MCM7: variants seen among roughly 807,000 people sequenced by gnomAD.
MCM7 encodes the protein DNA replication licensing factor MCM7.
Under a neutral mutation model 83.5 loss-of-function variants are expected in MCM7, and 95 were observed. The observed-to-expected ratio is 1.14, with a 90% CI of 0.96 to 1.35. The LOEUF is 1.35. MCM7 is among the 40% of genes most tolerant of loss of function. MCM7 has a pLI of 0.00. For synonymous variants in MCM7, 461 were observed against 352.7 expected (o/e 1.31, Z -3.44); for missense variants, 1,087 against 957.4 (o/e 1.14, Z -1.79).
chr7:100,095,660 A>C, intron 11 of MCM7, 114 bp downstream of exon 11: 1 of 1,413,516 alleles, frequency 7.1e-7, no homozygotes, highest in Non-Finnish European at 9.5e-7. Context: ...CCCTGCTGCA[A>C]AGGGGAGGCT....
Position 100,093,416 on chromosome 7 carries a change from G to C in MCM7, c.1849-15C>G. On this transcript the variant is annotated splice_polypyrimidine_tract_variant and intron_variant, in intron 13 of 14. Coordinates refer to ENST00000303887, the MANE Select transcript of MCM7 (RefSeq NM_005916.5). ...CTCAGACGTGCCTAAGGGGAAGGTA[G>C]GGGGGAAAGATGGGAACGGGAGGAG... The C allele has an allele frequency of 6.2e-7, 1 of 1,610,412 alleles. No homozygotes were observed. Among genetic ancestry groups the C allele is most frequent in the Non-Finnish European group, 8.5e-7 (1 of 1,177,044 alleles).
chr7:100,093,681 C>T, intron 13 of MCM7: 1 of 705,672 alleles, frequency 1.4e-6, no homozygotes, highest in Non-Finnish European at 2.7e-6. Flanking sequence ...GGAGACCAGA[C>T]CCTTTTGAAC....
chr7:100,099,852 C>T (rs1361972208), intron 2 of MCM7, 99 bp from the exon 3 acceptor site: 2 of 1,526,184 alleles, frequency 1.3e-6, no homozygotes, highest in East Asian at 2.3e-5. Context: ...AGCACAGGCT[C>T]TGGGCATCCA....
rs1795896763 is a variant in MCM7, at chr7:100,100,207, A to G, written c.32-114T>C. 3.4e-6 allele frequency: 5 copies of G among 1,467,016 alleles called. No homozygotes were observed. The South Asian group carries it at 6.9e-5, about 20-fold the overall frequency. 90.9% of individuals were successfully genotyped at this position (1,467,016 alleles called of 1,614,324 possible). ...ATTAATAATATGAGCATTTAAATAAACCTACCGAAGTCTCCCCAAAGTGGG... is the reference window on the plus strand; with the variant it reads ...ATTAATAATATGAGCATTTAAATAAGCCTACCGAAGTCTCCCCAAAGTGGG... On this transcript the variant is annotated intron_variant, in intron 1 of 14. Coordinates refer to ENST00000303887, the MANE Select transcript of MCM7 (RefSeq NM_005916.5).
intron 11 of MCM7, 140 bp from the exon 12 acceptor site, chr7:100,095,610 C>T: frequency 7.7e-7 from 1 of 1,302,936 alleles, no homozygotes; most frequent in Non-Finnish European, 1.1e-6. Flanking sequence ...ATCAGCATTT[C>T]AGCCCCAACC....
At chr7:100,098,472 G>A (rs1238194732) in intron 6 of MCM7, 106 bp downstream of exon 6, 23 of 1,547,476 alleles carry the variant, frequency 1.5e-5, no homozygotes, top group Non-Finnish European at 2.0e-5. Context: ...CCTCCCTCCT[G>A]CACTTCCCTC....
rs573014519 is a variant in MCM7 at position 100,097,419 on chromosome 7, T to G, written c.1118-35A>C. On this transcript the variant is annotated intron_variant, in intron 9 of 14. Coordinates refer to ENST00000303887, the MANE Select transcript of MCM7 (RefSeq NM_005916.5). ...GGGAAGGCAGCCCTGGAATGACTCT[T>G]CTCCCAGTGCTTGGCCAACAACAGA... The G allele has an allele frequency of 3.1e-6, 5 of 1,608,000 alleles. No individual in the cohort carries two copies. In the African/African-American group the frequency reaches 6.7e-5, roughly 21 times the overall value.
chr7:100,100,699 C>A (rs1795950152), intron 1 of MCM7: 1 of 989,892 alleles, frequency 1.0e-6, no homozygotes, highest in Non-Finnish European at 1.2e-6. Context: ...AGGCACGCCC[C>A]CCCGGGCCGC....
intron 1 of MCM7, chr7:100,100,635 C>T (rs1795939462): frequency 5.0e-6 from 5 of 990,152 alleles, no homozygotes; most frequent in Non-Finnish European, 6.0e-6. Context: ...CCAGAGACAC[C>T]GCGATCCCAG....
intron 1 of MCM7, chr7:100,100,943 G>A (rs998779635): frequency 1.2e-5 from 12 of 1,018,950 alleles, no homozygotes; most frequent in Non-Finnish European, 1.5e-5. Context: ...GGAGCCCAGA[G>A]CCCTTAAGAC....
intron 10 of MCM7, among the ~76,000 whole-genome samples, chr7:100,096,757 T>C (rs985896820): frequency 6.6e-6 from 1 of 151,360 alleles, no homozygotes; most frequent in African/African-American, 2.4e-5. Context: ...TCTGGGTGAC[T>C]GAGACTCCGT....
rs565037491 is a variant in MCM7 at position 100,099,764 on chromosome 7, G to A, written c.112-11C>T. On this transcript the variant is annotated splice_polypyrimidine_tract_variant and intron_variant, in intron 2 of 14. Coordinates refer to ENST00000303887, the MANE Select transcript of MCM7 (RefSeq NM_005916.5). ...ATGAGCCAGCCGAACCTCAAGTGGG[G>A]AAGAGACAGAAACACCTCAGAGCCA... 29 of 1,613,326 alleles carry A rather than the reference G, an allele frequency of 1.8e-5. No individual in the cohort carries two copies. The East Asian group carries it at 4.5e-4, about 25-fold the overall frequency.
chr7:100,099,726 C>A lies in MCM7; in HGVS notation c.139G>T (p.Ala47Ser), dbSNP rs779459893. 1.2e-6 allele frequency: 2 copies of A among 1,614,088 alleles called. No homozygotes were observed. Among genetic ancestry groups the A allele is most frequent in the Non-Finnish European group, 8.5e-7 (1 of 1,180,026 alleles). Residue 47 changes from alanine to serine, a missense_variant, in exon 3 of 15, where the codon GCT becomes TCT. By Grantham distance (99) the Ala-to-Ser change is moderately conservative. Coordinates refer to ENST00000303887, the MANE Select transcript of MCM7 (RefSeq NM_005916.5). Reference sequence around the variant, plus strand: ...ACGTCGTCCAGGTCCACATACAGAGCCACCTGTTCCCGATGAGCCAGCCGA... The same window carrying A: ...ACGTCGTCCAGGTCCACATACAGAGACACCTGTTCCCGATGAGCCAGCCGA... ...LVRLAHREQV[A>S]LYVDLDDVAE... is the part of the protein sequence containing the mutation.
intron 13 of MCM7, 136 bp downstream of exon 13, chr7:100,094,037 A>G (rs759166073): frequency 1.8e-6 from 2 of 1,090,104 alleles, no homozygotes; most frequent in African/African-American, 1.5e-5. Context: ...CACGGAGAGG[A>G]CCACTATCTG....
At position 100,095,986 on chromosome 7, in the gene MCM7, G is replaced by C. The variant is rs1356182495; in HGVS notation, c.1383C>G (p.Val461=). 1.2e-6 allele frequency: 2 copies of C among 1,614,092 alleles called. No individual in the cohort carries two copies. The highest frequency in any genetic ancestry group is 1.7e-6 in the Non-Finnish European group (2 of 1,180,008). ...CAATGGAGATGGTCTGCTGCTCCATGACCTCGTGGATGGCTGTGCGGTCGG... is the reference window on the plus strand; with the variant it reads ...CAATGGAGATGGTCTGCTGCTCCATCACCTCGTGGATGGCTGTGCGGTCGG... ...AEADRTAIHE[V]MEQQTISIAK... is the part of the protein sequence containing the mutation. Residue 461 remains valine, a synonymous_variant, in exon 11 of 15, where the codon GTC becomes GTG. Coordinates refer to ENST00000303887, the MANE Select transcript of MCM7 (RefSeq NM_005916.5).
chr7:100,096,995 G>A (rs888996467), intron 10 of MCM7, among the ~76,000 whole-genome samples: 1 of 152,180 alleles, frequency 6.6e-6, no homozygotes, highest in Non-Finnish European at 1.5e-5. Flanking sequence ...CAGCTACTCG[G>A]GAGGCTGAGG....
chr7:100,093,039 C>A lies in MCM7; in HGVS notation c.2053G>T (p.Val685Leu). The A allele has an allele frequency of 1.9e-6, 3 of 1,614,242 alleles. No individual in the cohort carries two copies. The highest frequency in any genetic ancestry group is 2.2e-5 in the South Asian group (2 of 91,084). ...VRFSEAEQRC[V>L]SRGFTPAQFQ... Reference sequence around the variant, plus strand: ...TGGGCGGGTGTGAAGCCACGAGATACACAGCGCTGCTCTGCCTCAGAGAAC... The same window carrying A: ...TGGGCGGGTGTGAAGCCACGAGATAAACAGCGCTGCTCTGCCTCAGAGAAC... The change falls in exon 15 of 15, where the codon GTA becomes TTA. Residue 685 changes from valine to leucine, a missense_variant. Physicochemically the swap from Val to Leu is conservative, Grantham distance 32. Coordinates refer to ENST00000303887, the MANE Select transcript of MCM7 (RefSeq NM_005916.5).
Position 100,094,266 on chromosome 7 carries a change from G to C in MCM7, c.1755C>G (p.Tyr585Ter). The C allele has an allele frequency of 1.9e-6, 3 of 1,614,194 alleles. No individual in the cohort carries two copies. The highest frequency in any genetic ancestry group is 2.2e-5 in the South Asian group (2 of 91,078). ...ESLADYITAA[Y>*]VEMRREAWAS... Reference sequence around the variant, plus strand: ...CCCAAGCCTCTCGCCTCATCTCCACGTATGCTGCTGTGATGTAGTCAGCCA... The same window carrying C: ...CCCAAGCCTCTCGCCTCATCTCCACCTATGCTGCTGTGATGTAGTCAGCCA... The change falls in exon 13 of 15, where the codon TAC becomes TAG. Residue 585 changes from tyrosine to a stop codon, truncating the protein, a stop_gained. Coordinates refer to ENST00000303887, the MANE Select transcript of MCM7 (RefSeq NM_005916.5). LOFTEE classifies it high-confidence loss of function.
rs1169272927 is a variant in MCM7 at position 100,100,757 on chromosome 7, T to C, written c.31+507A>G. 4.0e-6 allele frequency: 4 copies of C among 990,708 alleles called. No individual in the cohort carries two copies. In the East Asian group the frequency reaches 3.4e-4, roughly 85 times the overall value. The allele number at this position is 990,708 out of a possible 1,614,324, so 61.4% of individuals were successfully genotyped here. On this transcript the variant is annotated intron_variant, in intron 1 of 14. Transcript: ENST00000303887. The stretch of plus-strand genomic sequence containing the variant: ...CGGAAGGACACTGTTTACACGACAC[T>C]CCCTCCAGCCTCCTCGCGCCACTTC...
Sources: gnomAD v4.1 joint callset for allele counts (sites outside exome capture counted in the v4.1 genomes callset) on GRCh38, gnomAD v4.1.1 for gene constraint, MANE v1.5 for transcripts, NCBI Gene and HGNC (gene_info 2026-07-23, HGNC 2026-07-21) for gene names.